The following PAH variants were observed in gnomAD, a reference collection of about 807,000 sequenced individuals.
The protein encoded by PAH is phenylalanine hydroxylase.
In PAH, 64 loss-of-function variants were observed where a neutral mutation model predicts 62.0. The observed-to-expected ratio is 1.03, with a 90% CI of 0.84 to 1.27. The LOEUF (loss-of-function observed/expected upper bound fraction) is 1.27, where lower values mean the gene tolerates loss of function less well. Ranked by LOEUF, PAH falls within the 50% of genes most tolerant of loss-of-function variation. The probability of loss-of-function intolerance (pLI) is 0.00; values close to 1 mark genes in which losing one functional copy is unlikely to be tolerated. For synonymous variants in PAH, 195 were observed against 196.2 expected (o/e 0.99, Z 0.05); for missense variants, 579 against 542.8 (o/e 1.07, Z -0.66).
chr12:102,842,145 G>C (rs572073780), intron 11 of PAH, among the ~76,000 whole-genome samples: 7 of 152,158 alleles, frequency 4.6e-5, no homozygotes, highest in Non-Finnish European at 1.0e-4. Context: ...TCACTTGCTG[G>C]TTAGAGAGTT....
chr12:102,905,469 A>G (rs1877938585), intron 2 of PAH, among the ~76,000 whole-genome samples: 1 of 152,210 alleles, frequency 6.6e-6, no homozygotes, highest in Non-Finnish European at 1.5e-5. Context: ...TTACAACAAA[A>G]AGAGATGCAA....
chr12:102,856,898 A>G (rs1257299489), intron 5 of PAH, among the ~76,000 whole-genome samples: 1 of 152,234 alleles, frequency 6.6e-6, no homozygotes, highest in East Asian at 1.9e-4. Context: ...CAGAGCAGAA[A>G]AGCTGAAAAT....
At chr12:102,895,384 G>C (rs1218035832) in intron 2 of PAH, among the ~76,000 whole-genome samples, 1 of 152,118 alleles carries the variant, frequency 6.6e-6, no homozygotes, top group East Asian at 1.9e-4. Context: ...TTGCTTGTGA[G>C]ACGATGTACT....
At chr12:102,951,058 TGG>T (rs5800546), upstream of PAH, among the ~76,000 whole-genome samples, 397 of 150,636 alleles carry the variant, frequency 2.6e-3, 1 homozygote, top group Non-Finnish European at 4.3e-3. Context: ...AGTTTGTGCG[TGG>T]GGGGGGAAGC....
chr12:102,906,638 C>T (rs1877987389), intron 2 of PAH, among the ~76,000 whole-genome samples: 1 of 151,124 alleles, frequency 6.6e-6, no homozygotes, highest in African/African-American at 2.5e-5. Flanking sequence ...TCTGAGGGCA[C>T]ATTAAGTGAT....
At chr12:102,863,201 T>C (rs973080959) in intron 5 of PAH, among the ~76,000 whole-genome samples, 1 of 152,196 alleles carries the variant, frequency 6.6e-6, no homozygotes, top group Non-Finnish European at 1.5e-5. Flanking sequence ...ATAAAGTACC[T>C]AGTATTAGTA....
chr12:102,884,920 C>T (rs1592973233), intron 3 of PAH, among the ~76,000 whole-genome samples: 1 of 152,314 alleles, frequency 6.6e-6, no homozygotes, highest in East Asian at 1.9e-4. Context: ...GACATTATTG[C>T]TGTTCACTGA....
chr12:102,882,987 G>A (rs550332540), intron 3 of PAH, among the ~76,000 whole-genome samples: 4 of 152,076 alleles, frequency 2.6e-5, no homozygotes, highest in Non-Finnish European at 4.4e-5. Context: ...AGGAAGAAGA[G>A]GAGGAGGGAG....
chr12:102,856,964 T>A (rs1417706642), intron 5 of PAH, among the ~76,000 whole-genome samples: 1 of 152,110 alleles, frequency 6.6e-6, no homozygotes, highest in Non-Finnish European at 1.5e-5. Context: ...TCGCCAGCAA[T>A]GGAACAAAGC....
chr12:102,864,515 G>C (rs1409098484), intron 5 of PAH, among the ~76,000 whole-genome samples: 1 of 152,134 alleles, frequency 6.6e-6, no homozygotes, highest in Non-Finnish European at 1.5e-5. Flanking sequence ...AACTGAGTGA[G>C]ACCTTGGTCA....
chr12:102,861,935 G>A (rs146910067), intron 5 of PAH, among the ~76,000 whole-genome samples: 4,371 of 143,988 alleles, frequency 0.03, 67 homozygotes, highest in African/African-American at 0.04. Flanking sequence ...AAACCTGCAC[G>A]TTGTGCACAT....
intron 4 of PAH, among the ~76,000 whole-genome samples, chr12:102,870,508 A>T (rs546463129): frequency 1.3e-5 from 2 of 152,178 alleles, no homozygotes; most frequent in Non-Finnish European, 2.9e-5. Flanking sequence ...TGCTCAAAGC[A>T]TGATGCATTT....
chr12:102,869,043 A>T (rs537385939), intron 4 of PAH, among the ~76,000 whole-genome samples: 6 of 152,224 alleles, frequency 3.9e-5, no homozygotes, highest in African/African-American at 1.2e-4. Flanking sequence ...CTCCATTTGG[A>T]TTTTGTGGTC....
intron 1 of PAH, among the ~76,000 whole-genome samples, chr12:102,922,352 C>T (rs960584647): frequency 1.3e-5 from 2 of 152,048 alleles, no homozygotes; most frequent in Non-Finnish European, 2.9e-5. Flanking sequence ...CACCACCATG[C>T]CCAGCTAATT....
At chr12:102,894,509 C>G (rs1459661472) in intron 3 of PAH, among the ~76,000 whole-genome samples, 1 of 151,428 alleles carries the variant, frequency 6.6e-6, no homozygotes, top group African/African-American at 2.4e-5. Flanking sequence ...CTAAAATATA[C>G]CAGGCACTTG....
intron 5 of PAH, among the ~76,000 whole-genome samples, chr12:102,861,888 G>A (rs1811017196): frequency 1.3e-5 from 2 of 150,650 alleles, no homozygotes; most frequent in Admixed American, 6.7e-5. Flanking sequence ...GTTAATGGGT[G>A]CAGCACACCA....
intron 3 of PAH, among the ~76,000 whole-genome samples, chr12:102,892,806 G>T (rs1230524640): frequency 6.6e-6 from 1 of 152,224 alleles, no homozygotes; most frequent in Non-Finnish European, 1.5e-5. Flanking sequence ...GGAATGAATA[G>T]CTGGAGCACA....
At chr12:102,942,529 C>G (rs1185037001) in intron 1 of PAH, among the ~76,000 whole-genome samples, 5 of 151,948 alleles carry the variant, frequency 3.3e-5, no homozygotes, top group Admixed American at 1.3e-4. Flanking sequence ...ATGAAACTAC[C>G]AATGACATTT....
intron 3 of PAH, among the ~76,000 whole-genome samples, chr12:102,889,053 T>G (rs957479402): frequency 1.3e-5 from 2 of 152,110 alleles, no homozygotes; most frequent in Non-Finnish European, 2.9e-5. Flanking sequence ...GGAAAAACTC[T>G]AACCAGATGG....
Sources: gnomAD v4.1 joint callset for allele counts (sites outside exome capture counted in the v4.1 genomes callset) on GRCh38, gnomAD v4.1.1 for gene constraint, MANE v1.5 for transcripts, NCBI Gene and HGNC (gene_info 2026-07-23, HGNC 2026-07-21) for gene names.